LINGO2: variants seen among roughly 807,000 people sequenced by gnomAD.
The protein encoded by LINGO2 is leucine-rich repeat and immunoglobulin-like domain-containing nogo receptor-interacting protein 2.
LINGO2 carries 14 observed loss-of-function variants against 30.6 expected under a neutral mutation model. The observed-to-expected ratio is 0.46, with a 90% CI of 0.30 to 0.72. The LOEUF (loss-of-function observed/expected upper bound fraction) is 0.72, where lower values mean the gene tolerates loss of function less well. Ranked by LOEUF, LINGO2 falls within the 30% of genes least tolerant of loss-of-function variation. LINGO2 has a pLI of 0.07. For missense variants in LINGO2, 729 were observed against 751.7 expected (o/e 0.97, Z 0.35); for synonymous variants, 317 against 288.5 (o/e 1.10, Z -1.00).
At chr9:29,181,576 T>C in the LINGO2 span, among the ~76,000 whole-genome samples, 1 of 152,182 alleles carries the variant, frequency 6.6e-6, no homozygotes, top group Non-Finnish European at 1.5e-5. Flanking sequence ...GTTGAAAGGA[T>C]TCTTTGAGTT....
intron 4 of LINGO2, among the ~76,000 whole-genome samples, chr9:28,128,711 C>T (rs1469839069): frequency 6.6e-6 from 1 of 152,172 alleles, no homozygotes; most frequent in Admixed American, 6.5e-5. Context: ...GCTGATAATG[C>T]TCTGGTGAGG....
At chr9:28,314,812 G>C (rs867185603) in intron 3 of LINGO2, among the ~76,000 whole-genome samples, 2 of 151,814 alleles carry the variant, frequency 1.3e-5, no homozygotes, top group African/African-American at 2.4e-5. Context: ...ATGAAACCCC[G>C]TCTCTACTAA....
At chr9:28,451,244 AT>A (rs1824636841) in intron 2 of LINGO2, among the ~76,000 whole-genome samples, 1 of 151,874 alleles carries the variant, frequency 6.6e-6, no homozygotes, top group South Asian at 2.1e-4. Flanking sequence ...ATTACTCTCA[AT>A]AACATTATCT....
At chr9:28,584,890 T>C (rs572118574) in intron 1 of LINGO2, among the ~76,000 whole-genome samples, 33 of 152,084 alleles carry the variant, frequency 2.2e-4, no homozygotes, top group African/African-American at 7.9e-4. Flanking sequence ...TACTGTACAG[T>C]TGTGTTGCAA....
chr9:28,053,101 A>G (rs1824752117), intron 4 of LINGO2, among the ~76,000 whole-genome samples: 2 of 152,054 alleles, frequency 1.3e-5, no homozygotes, highest in African/African-American at 4.8e-5. Context: ...CCCCTGTGAC[A>G]GGGGAACCAT....
the LINGO2 span, among the ~76,000 whole-genome samples, chr9:29,169,984 C>G: frequency 6.6e-6 from 1 of 152,018 alleles, no homozygotes; most frequent in Non-Finnish European, 1.5e-5. Flanking sequence ...CAGAGCAAGA[C>G]TCTGTATAAA....
chr9:27,950,331 C>A (rs779842744), exon 6 of LINGO2: 7 of 1,613,996 alleles, frequency 4.3e-6, no homozygotes, highest in African/African-American at 1.3e-5. Flanking sequence ...TAGACGATTG[C>A]CTTTTAGGCG....
intron 4 of LINGO2, among the ~76,000 whole-genome samples, chr9:28,077,841 C>T (rs993941928): frequency 6.7e-6 from 1 of 148,822 alleles, no homozygotes; most frequent in South Asian, 2.1e-4. Flanking sequence ...AGGAAGAATC[C>T]TCAATCTAAT....
chr9:28,892,931 T>A, the LINGO2 span, among the ~76,000 whole-genome samples: 1 of 152,042 alleles, frequency 6.6e-6, no homozygotes, highest in Non-Finnish European at 1.5e-5. Flanking sequence ...TCAAAGAATT[T>A]AAGTATATTC....
At chr9:28,493,612 A>C (rs1407658757) in intron 1 of LINGO2, among the ~76,000 whole-genome samples, 1 of 152,188 alleles carries the variant, frequency 6.6e-6, no homozygotes, top group Non-Finnish European at 1.5e-5. Context: ...AAAATCTAAT[A>C]AAATTCTAGT....
At chr9:28,679,139 T>A in the LINGO2 span, among the ~76,000 whole-genome samples, 1 of 151,966 alleles carries the variant, frequency 6.6e-6, no homozygotes, top group Non-Finnish European at 1.5e-5. Flanking sequence ...TCTTGGCGGG[T>A]CATCTCATCT....
chr9:28,242,152 A>T (rs1821823666), intron 4 of LINGO2, among the ~76,000 whole-genome samples: 1 of 152,194 alleles, frequency 6.6e-6, no homozygotes, highest in South Asian at 2.1e-4. Flanking sequence ...TAGGCTTCAG[A>T]AGGTGGGTAA....
At chr9:27,983,919 C>G (rs1821003274) in intron 5 of LINGO2, among the ~76,000 whole-genome samples, 1 of 151,844 alleles carries the variant, frequency 6.6e-6, no homozygotes, top group South Asian at 2.1e-4. Context: ...TCTTCCTTTT[C>G]TTGTCCTCCA....
At chr9:28,966,536 A>G in the LINGO2 span, among the ~76,000 whole-genome samples, 1 of 152,100 alleles carries the variant, frequency 6.6e-6, no homozygotes, top group African/African-American at 2.4e-5. Flanking sequence ...TCTCACACTC[A>G]TTATGTGAAA....
chr9:28,681,941 A>T, the LINGO2 span, among the ~76,000 whole-genome samples: 1 of 152,112 alleles, frequency 6.6e-6, no homozygotes, highest in Non-Finnish European at 1.5e-5. Context: ...AATATTCTCA[A>T]ATCATATTTG....
At chr9:28,287,107 T>G (rs2134151648) in intron 4 of LINGO2, among the ~76,000 whole-genome samples, 1 of 152,252 alleles carries the variant, frequency 6.6e-6, no homozygotes, top group South Asian at 2.1e-4. Context: ...ACATTACAGT[T>G]TAGTGAAAAA....
intron 5 of LINGO2, among the ~76,000 whole-genome samples, chr9:27,955,703 TG>T: frequency 6.6e-6 from 1 of 152,168 alleles, no homozygotes; most frequent in African/African-American, 2.4e-5. Flanking sequence ...TTTGGAAGCT[TG>T]GGCTGTGTCC....
At chr9:29,132,214 G>T in the LINGO2 span, among the ~76,000 whole-genome samples, 1 of 152,020 alleles carries the variant, frequency 6.6e-6, no homozygotes, top group Non-Finnish European at 1.5e-5. Flanking sequence ...GTTCCTCGAG[G>T]GGGGGAAATG....
chr9:29,026,803 G>GT, the LINGO2 span, among the ~76,000 whole-genome samples: 1 of 151,996 alleles, frequency 6.6e-6, no homozygotes, highest in Admixed American at 6.6e-5. Context: ...CAACATAGCT[G>GT]TTACAGGTAT....
Sources: gnomAD v4.1 joint callset for allele counts (sites outside exome capture counted in the v4.1 genomes callset) on GRCh38, gnomAD v4.1.1 for gene constraint, MANE v1.5 for transcripts, NCBI Gene and HGNC (gene_info 2026-07-23, HGNC 2026-07-21) for gene names.